ASIC2: variants seen among roughly 807,000 people sequenced by gnomAD.
ASIC2 encodes acid sensing ion channel subunit 2.
Under a neutral mutation model 57.3 loss-of-function variants are expected in ASIC2, and 25 were observed. The ratio of observed to expected loss-of-function variants is 0.44; its 90% CI spans 0.32 to 0.61. The LOEUF is 0.61. Ranked by LOEUF, ASIC2 falls within the 20% of genes least tolerant of loss-of-function variation. The pLI is 0.06. For missense variants in ASIC2, 641 were observed against 738.1 expected (o/e 0.87, Z 1.52); for synonymous variants, 319 against 307.5 (o/e 1.04, Z -0.39).
chr17:33,398,346 GT>G (rs1317467337), intron 1 of ASIC2, among the ~76,000 whole-genome samples: 1 of 152,150 alleles, frequency 6.6e-6, no homozygotes, highest in Non-Finnish European at 1.5e-5. Context: ...TTAACACAAT[GT>G]AAGTTTCAGA....
chr17:33,678,435 C>CCACACACACACA (rs71144896), intron 1 of ASIC2, among the ~76,000 whole-genome samples: 1,623 of 139,566 alleles, frequency 0.012, 34 homozygotes, highest in Admixed American at 0.014. Flanking sequence ...CTGGTTCAAT[C>CCACACACACACA]CACACACACA....
chr17:33,741,732 C>T (rs1422176965), intron 1 of ASIC2, among the ~76,000 whole-genome samples: 1 of 152,230 alleles, frequency 6.6e-6, no homozygotes, highest in Non-Finnish European at 1.5e-5. Flanking sequence ...TCTACTCAGA[C>T]ATAATCACCA....
intron 1 of ASIC2, among the ~76,000 whole-genome samples, chr17:33,487,286 T>C (rs1913604431): frequency 6.6e-6 from 1 of 152,126 alleles, no homozygotes; most frequent in Non-Finnish European, 1.5e-5. Flanking sequence ...CATCACCACC[T>C]GTTATATCCC....
chr17:33,668,335 T>C (rs1357280657), intron 1 of ASIC2, among the ~76,000 whole-genome samples: 3 of 148,590 alleles, frequency 2.0e-5, no homozygotes, highest in African/African-American at 7.4e-5. Context: ...ACACAACTTA[T>C]TGGTGCCAAG....
chr17:33,763,647 T>C, intron 1 of ASIC2, among the ~76,000 whole-genome samples: 1 of 152,208 alleles, frequency 6.6e-6, no homozygotes, highest in East Asian at 1.9e-4. Flanking sequence ...GCAGAAGTTT[T>C]AGGAGCCACT....
chr17:34,029,553 T>C (rs548589054), intron 1 of ASIC2, among the ~76,000 whole-genome samples: 1 of 152,298 alleles, frequency 6.6e-6, no homozygotes, highest in Admixed American at 6.5e-5. Context: ...ACCCCCAATA[T>C]GACTGTAGTA....
At chr17:33,164,576 G>GCGCACACACA (rs386418951) in intron 1 of ASIC2, among the ~76,000 whole-genome samples, 32 of 149,884 alleles carry the variant, frequency 2.1e-4, no homozygotes, top group Non-Finnish European at 3.9e-4. Flanking sequence ...GCACATGCAC[G>GCGCACACACA]CACACACACA....
chr17:33,354,236 C>T (rs1398238581), intron 1 of ASIC2, among the ~76,000 whole-genome samples: 1 of 152,100 alleles, frequency 6.6e-6, no homozygotes, highest in African/African-American at 2.4e-5. Flanking sequence ...CAGAGCCAAA[C>T]CATATCACAT....
At chr17:33,215,724 C>T (rs1313251879) in intron 1 of ASIC2, among the ~76,000 whole-genome samples, 35 of 141,892 alleles carry the variant, frequency 2.5e-4, no homozygotes, top group South Asian at 1.2e-3. Flanking sequence ...TTTTTTGAGA[C>T]GGAGTCTCGC....
At chr17:33,426,527 A>G (rs553565999) in intron 1 of ASIC2, among the ~76,000 whole-genome samples, 1 of 152,330 alleles carries the variant, frequency 6.6e-6, no homozygotes, top group Non-Finnish European at 1.5e-5. Flanking sequence ...ACTTCTCCAC[A>G]TGAGGGATTC....
intron 1 of ASIC2, among the ~76,000 whole-genome samples, chr17:33,833,420 G>A (rs148777977): frequency 6.6e-6 from 1 of 152,234 alleles, no homozygotes; most frequent in East Asian, 1.9e-4. Flanking sequence ...TATCCAAATA[G>A]GCTATCTGCA....
intron 2 of ASIC2, among the ~76,000 whole-genome samples, chr17:33,103,306 G>A (rs913760310): frequency 2.0e-5 from 3 of 151,984 alleles, no homozygotes; most frequent in African/African-American, 7.3e-5. Flanking sequence ...AAATATTAAC[G>A]CACTTCAATC....
At chr17:33,548,405 G>A (rs1915646111) in intron 1 of ASIC2, among the ~76,000 whole-genome samples, 1 of 152,218 alleles carries the variant, frequency 6.6e-6, no homozygotes, top group Admixed American at 6.5e-5. Flanking sequence ...CTGTGCAGAA[G>A]TACATTTCCT....
At chr17:33,535,220 G>A (rs1427033508) in intron 1 of ASIC2, among the ~76,000 whole-genome samples, 2 of 152,012 alleles carry the variant, frequency 1.3e-5, no homozygotes, top group Non-Finnish European at 2.9e-5. Flanking sequence ...CATTAGAAGA[G>A]GCCATGTTGA....
chr17:33,914,167 A>T (rs988145212), intron 1 of ASIC2, among the ~76,000 whole-genome samples: 4 of 152,208 alleles, frequency 2.6e-5, no homozygotes, highest in African/African-American at 9.6e-5. Flanking sequence ...ATCTCACAAG[A>T]TGATGCTGGA....
At chr17:33,819,692 A>C (rs1157985880) in intron 1 of ASIC2, among the ~76,000 whole-genome samples, 4 of 152,222 alleles carry the variant, frequency 2.6e-5, no homozygotes, top group African/African-American at 9.6e-5. Flanking sequence ...GCAACAGTGC[A>C]TCAGTGCTCG....
At chr17:33,986,263 T>C (rs960891268) in intron 1 of ASIC2, among the ~76,000 whole-genome samples, 2 of 151,792 alleles carry the variant, frequency 1.3e-5, no homozygotes, top group African/African-American at 4.8e-5. Flanking sequence ...CTATACTAGA[T>C]ACTCTAAATA....
chr17:34,001,913 C>T (rs1235419869), intron 1 of ASIC2: 1 of 152,148 alleles, frequency 6.6e-6, no homozygotes, highest in Non-Finnish European at 1.5e-5. Context: ...CTGAAAACTC[C>T]TATCCCTTCA....
chr17:33,193,577 T>A (rs1462259847), intron 1 of ASIC2, among the ~76,000 whole-genome samples: 1 of 152,082 alleles, frequency 6.6e-6, no homozygotes, highest in Non-Finnish European at 1.5e-5. Context: ...GGAATTTACA[T>A]CCCCCTGGGG....
Sources: allele counts gnomAD v4.1 joint callset (sites outside exome capture counted in the v4.1 genomes callset), GRCh38; gene constraint gnomAD v4.1.1; transcripts MANE v1.5; gene names NCBI Gene and HGNC (gene_info 2026-07-23, HGNC 2026-07-21).